The following SWT1 variants were observed in gnomAD, a reference collection of about 807,000 sequenced individuals.
SWT1 encodes the protein transcriptional protein SWT1.
A neutral mutation model predicts 107.3 loss-of-function variants in SWT1; 33 were observed. That is an observed-to-expected ratio of 0.31 (90% CI 0.23 to 0.41). The LOEUF is 0.41. SWT1 is among the 10% of genes least tolerant of loss of function. The pLI, the probability that SWT1 is intolerant of heterozygous loss-of-function variation, is 1.00. For synonymous variants in SWT1, 345 were observed against 348.3 expected, an observed-to-expected ratio of 0.99 and a Z score of 0.11; for missense variants, 898 against 1,028.9, an observed-to-expected ratio of 0.87 and a Z score of 1.74.
intron 16 of SWT1, among the ~76,000 whole-genome samples, chr1:185,257,531 G>A (rs1312726728): frequency 6.6e-6 from 1 of 152,364 alleles, no homozygotes; most frequent in African/African-American, 2.4e-5. Flanking sequence ...TCGGGTGGGA[G>A]TGACCCGATT....
chr1:185,179,139 C>G (rs1044890242), intron 5 of SWT1, among the ~76,000 whole-genome samples: 1 of 151,912 alleles, frequency 6.6e-6, no homozygotes, highest in African/African-American at 2.4e-5. Context: ...GGTATGGTGG[C>G]GGGCCTGTAG....
chr1:185,204,879 C>G lies in SWT1; in HGVS notation c.1833+16C>G, dbSNP rs1558038279. 6.7e-7 allele frequency: 1 copy of G among 1,486,964 alleles called. No individual in the cohort carries two copies. Among genetic ancestry groups the G allele is most frequent in the South Asian group, 1.4e-5 (1 of 73,294 alleles). The allele number at this position is 1,486,964 out of a possible 1,614,324, so 92.1% of individuals were successfully genotyped here. A position where few individuals can be genotyped will look rare whatever the true frequency, so the allele number is the denominator to read the frequency against. ...TTGGATGGAGGTGATTAGTTGAACT[C>G]TATTAGTTGAAAATTTCTTTTTTAT... On this transcript the variant is annotated intron_variant, in intron 12 of 18. Transcript: ENST00000367500.
At chr1:185,250,112 A>C (rs1341811329) in intron 16 of SWT1, among the ~76,000 whole-genome samples, 1 of 152,114 alleles carries the variant, frequency 6.6e-6, no homozygotes, top group African/African-American at 2.4e-5. Flanking sequence ...CTGTATGGAC[A>C]ATGCTCTTAT....
intron 4 of SWT1, among the ~76,000 whole-genome samples, chr1:185,173,539 A>G (rs1655279575): frequency 6.6e-6 from 1 of 150,410 alleles, no homozygotes; most frequent in Non-Finnish European, 1.5e-5. Flanking sequence ...CCAAAAAAAA[A>G]AAAAAAAAAA....
intron 5 of SWT1, among the ~76,000 whole-genome samples, chr1:185,175,521 C>CATGG (rs1394593672): frequency 2.0e-5 from 3 of 152,166 alleles, no homozygotes; most frequent in Non-Finnish European, 4.4e-5. Flanking sequence ...AGCCACTGCA[C>CATGG]ATGGCCTTTT....
At chr1:185,278,413 C>G (rs1204082433) in intron 18 of SWT1, among the ~76,000 whole-genome samples, 1 of 152,166 alleles carries the variant, frequency 6.6e-6, no homozygotes, top group Non-Finnish European at 1.5e-5. Context: ...AACTTCCCAG[C>G]CTCCAGAACT....
intron 15 of SWT1, among the ~76,000 whole-genome samples, chr1:185,225,240 A>G (rs1235622979): frequency 1.3e-5 from 2 of 152,040 alleles, no homozygotes; most frequent in African/African-American, 4.8e-5. Flanking sequence ...GTGTATTTTC[A>G]ACCATTCTTG....
At chr1:185,253,646 C>T (rs981606877) in intron 16 of SWT1, among the ~76,000 whole-genome samples, 3 of 152,026 alleles carry the variant, frequency 2.0e-5, no homozygotes, top group African/African-American at 4.8e-5. Context: ...TGAGACTTTG[C>T]TGAAGTTGCT....
intron 15 of SWT1, among the ~76,000 whole-genome samples, chr1:185,230,680 A>G (rs1660445074): frequency 6.6e-6 from 1 of 151,486 alleles, no homozygotes; most frequent in South Asian, 2.1e-4. Flanking sequence ...CTCTACTTTT[A>G]TTTTTCTATT....
chr1:185,249,598 C>T (rs1238416398), intron 16 of SWT1, among the ~76,000 whole-genome samples: 1 of 152,114 alleles, frequency 6.6e-6, no homozygotes, highest in Non-Finnish European at 1.5e-5. Flanking sequence ...CCTACCGTTC[C>T]TCTAGATGGG....
chr1:185,232,332 C>T (rs1660561833), intron 16 of SWT1, among the ~76,000 whole-genome samples: 1 of 152,036 alleles, frequency 6.6e-6, no homozygotes, highest in Non-Finnish European at 1.5e-5. Flanking sequence ...CTGATTTTAG[C>T]TGTGTAAAAA....
At position 185,264,339 on chromosome 1, in the gene SWT1, G is replaced by A. The variant is rs570623771; in HGVS notation, c.2442-6984G>A. 2.6e-5 allele frequency: 26 copies of A among 984,932 alleles called. No homozygotes were observed. In the South Asian group the frequency reaches 9.4e-4, roughly 36 times the overall value. The allele number at this position is 984,932 out of a possible 1,614,324, so 61.0% of individuals were successfully genotyped here. On this transcript the variant is annotated intron_variant, in intron 16 of 18. Coordinates refer to ENST00000367500, the MANE Select transcript of SWT1 (RefSeq NM_017673.7). ...GGACTAAGGAGAGAAGACCATTACCGTTCATATGGATGACATAAAAGTTCA... is the reference window on the plus strand; with the variant it reads ...GGACTAAGGAGAGAAGACCATTACCATTCATATGGATGACATAAAAGTTCA...
rs189076334 is a variant in SWT1 at position 185,171,547 on chromosome 1, T to G, written c.225-2825T>G. 9.7e-6 allele frequency: 4 copies of G among 413,452 alleles called. No homozygotes were observed. In the Admixed American group the frequency reaches 1.2e-4, roughly 12 times the overall value. 25.6% of individuals were successfully genotyped at this position (413,452 alleles called of 1,614,324 possible). A position where few individuals can be genotyped will look rare whatever the true frequency, so the allele number is the denominator to read the frequency against. ...TTGATCACAACCCCTCCAATGACAT[T>G]CCTAGCTTTTCTGCTCACTTTGATC... On this transcript the variant is annotated intron_variant, in intron 4 of 18. Transcript: ENST00000367500.
intron 15 of SWT1, among the ~76,000 whole-genome samples, chr1:185,222,658 A>G (rs1215495963): frequency 2.0e-5 from 3 of 149,408 alleles, no homozygotes; most frequent in Non-Finnish European, 4.4e-5. Flanking sequence ...CCAGCTGCTC[A>G]GGAGGCTGAG....
chr1:185,230,849 G>A (rs1262457853), intron 15 of SWT1, among the ~76,000 whole-genome samples: 2 of 152,068 alleles, frequency 1.3e-5, no homozygotes, highest in Non-Finnish European at 2.9e-5. Context: ...CTGGGTTCAA[G>A]CGATCCTCCC....
chr1:185,192,325 T>C (rs1657023246), intron 10 of SWT1, among the ~76,000 whole-genome samples: 1 of 152,208 alleles, frequency 6.6e-6, no homozygotes, highest in South Asian at 2.1e-4. Context: ...TCAACTCTTC[T>C]ACACCTGAAT....
At chr1:185,182,338 C>CT (rs1336695234) in intron 7 of SWT1, among the ~76,000 whole-genome samples, 2 of 152,044 alleles carry the variant, frequency 1.3e-5, no homozygotes, top group Non-Finnish European at 2.9e-5. Flanking sequence ...GCTGTTATAA[C>CT]TTTAACAATT....
At position 185,208,968 on chromosome 1, in the gene SWT1, CACTGTT is replaced by C. The variant is rs149337082; in HGVS notation, c.1972+2210_1972+2215del. On this transcript the variant is annotated intron_variant, in intron 13 of 18. Transcript: ENST00000367500. ...GTTGGCATTAGTTCATTGGTGGAGA[CACTGTT>C]ACTGGGCAAAAGTTTTTTCAAGAAC... 5.9e-3 allele frequency among the ~76,000 whole-genome samples: 904 copies of C among 152,126 alleles called. 34 individuals carry two copies. In the East Asian group the frequency reaches 0.097, roughly 16 times the overall value.
chr1:185,283,484 T>C (rs1308274961), intron 18 of SWT1, among the ~76,000 whole-genome samples: 1 of 152,224 alleles, frequency 6.6e-6, no homozygotes, highest in African/African-American at 2.4e-5. Context: ...TTAATTCACT[T>C]TTTTTTCTGT....
Sources: gnomAD v4.1 joint callset for allele counts (sites outside exome capture counted in the v4.1 genomes callset) on GRCh38, gnomAD v4.1.1 for gene constraint, MANE v1.5 for transcripts, NCBI Gene and HGNC (gene_info 2026-07-23, HGNC 2026-07-21) for gene names.